The following GPC6 variants were observed in gnomAD, a reference collection of about 807,000 sequenced individuals.
GPC6 encodes glypican-6.
A neutral mutation model predicts 55.2 loss-of-function variants in GPC6; 14 were observed. The ratio of observed to expected loss-of-function variants is 0.25; its 90% CI spans 0.17 to 0.40. The LOEUF is 0.40. Among genes scored for constraint, GPC6 ranks in the 10% least tolerant of loss-of-function variants. The probability of loss-of-function intolerance (pLI) is 1.00; values close to 1 mark genes in which losing one functional copy is unlikely to be tolerated. For synonymous variants in GPC6, 278 were observed against 259.6 expected, an observed-to-expected ratio of 1.07 and a Z score of -0.68; for missense variants, 641 against 708.5, an observed-to-expected ratio of 0.90 and a Z score of 1.08.
At chr13:93,952,489 A>C (rs1313884021) in intron 3 of GPC6, among the ~76,000 whole-genome samples, 3 of 152,082 alleles carry the variant, frequency 2.0e-5, no homozygotes, top group Non-Finnish European at 4.4e-5. Flanking sequence ...AATAGTTGCC[A>C]AGAAGAATTA....
intron 2 of GPC6, among the ~76,000 whole-genome samples, chr13:93,804,094 C>A (rs952380392): frequency 7.2e-5 from 11 of 151,746 alleles, no homozygotes; most frequent in African/African-American, 2.4e-4. Flanking sequence ...TGAATTATAT[C>A]TTAATAAAAC....
At chr13:94,351,567 A>G (rs557287863) in intron 6 of GPC6, among the ~76,000 whole-genome samples, 6 of 152,150 alleles carry the variant, frequency 3.9e-5, no homozygotes, top group Admixed American at 1.3e-4. Context: ...TGAGAAGCCT[A>G]CTTCCTTATT....
chr13:94,184,492 A>G (rs909168037), intron 4 of GPC6, among the ~76,000 whole-genome samples: 2 of 152,164 alleles, frequency 1.3e-5, no homozygotes, highest in East Asian at 3.9e-4. Flanking sequence ...CATAACAGAT[A>G]CTTCTCAAAA....
chr13:94,274,795 C>A, intron 4 of GPC6, among the ~76,000 whole-genome samples: 1 of 150,990 alleles, frequency 6.6e-6, no homozygotes, highest in Non-Finnish European at 1.5e-5. Flanking sequence ...CTGACAGAAG[C>A]AAAAGCAGCC....
chr13:94,001,476 A>G (rs768944248), intron 3 of GPC6, among the ~76,000 whole-genome samples: 3 of 152,204 alleles, frequency 2.0e-5, no homozygotes, highest in Non-Finnish European at 2.9e-5. Flanking sequence ...TAATCTAATG[A>G]AATGATGTGT....
intron 5 of GPC6, among the ~76,000 whole-genome samples, chr13:94,304,985 G>C (rs1875867260): frequency 6.6e-6 from 1 of 152,114 alleles, no homozygotes; most frequent in Non-Finnish European, 1.5e-5. Context: ...AAATTATTTG[G>C]CTTTATGTGC....
intron 2 of GPC6, among the ~76,000 whole-genome samples, chr13:93,592,798 C>G (rs1224601677): frequency 6.6e-6 from 1 of 151,746 alleles, no homozygotes; most frequent in Non-Finnish European, 1.5e-5. Flanking sequence ...ATAAATAGAA[C>G]CGTTGATTAT....
chr13:94,215,705 G>A (rs1359277436), intron 4 of GPC6, among the ~76,000 whole-genome samples: 2 of 151,916 alleles, frequency 1.3e-5, no homozygotes, highest in African/African-American at 4.8e-5. Context: ...TACATTGAAG[G>A]GAAAAAAATC....
intron 2 of GPC6, among the ~76,000 whole-genome samples, chr13:93,583,733 T>C (rs1222366982): frequency 2.6e-5 from 4 of 152,186 alleles, no homozygotes; most frequent in Non-Finnish European, 4.4e-5. Context: ...TTTAATACTA[T>C]GAATATTCTT....
chr13:93,905,330 T>C (rs1876607789), intron 3 of GPC6, among the ~76,000 whole-genome samples: 1 of 152,038 alleles, frequency 6.6e-6, no homozygotes, highest in Non-Finnish European at 1.5e-5. Flanking sequence ...CACAGGAAGG[T>C]TTCAGTGCTA....
chr13:93,728,356 A>G (rs1251596993), intron 2 of GPC6, among the ~76,000 whole-genome samples: 1 of 150,828 alleles, frequency 6.6e-6, no homozygotes, highest in Admixed American at 6.6e-5. Flanking sequence ...AGCTGGGAAT[A>G]CAGGCCTACC....
At chr13:94,123,473 C>G (rs1886704100) in intron 4 of GPC6, among the ~76,000 whole-genome samples, 1 of 151,996 alleles carries the variant, frequency 6.6e-6, no homozygotes, top group South Asian at 2.1e-4. Context: ...AAACTTAATT[C>G]ATATACCTTG....
chr13:93,735,812 T>A (rs1883981479), intron 2 of GPC6, among the ~76,000 whole-genome samples: 1 of 152,198 alleles, frequency 6.6e-6, no homozygotes, highest in Admixed American at 6.5e-5. Flanking sequence ...TTCTGTACTA[T>A]TTGTCTGGAG....
rs191281732 is a variant in GPC6 at position 93,857,367 on chromosome 13, A to G, written c.711+26822A>G. 2.2e-3 allele frequency among the ~76,000 whole-genome samples: 334 copies of G among 151,708 alleles called. 2 individuals carry two copies. Among genetic ancestry groups the G allele is most frequent in the African/African-American group, 7.8e-3 (325 of 41,498 alleles). ...GCTATGTCAACCCATTGTGAATTCT[A>G]TAGATAGCTCAAGTTTTGTGCAGAT... On this transcript the variant is annotated intron_variant, in intron 3 of 8. Coordinates refer to ENST00000377047, the MANE Select transcript of GPC6 (RefSeq NM_005708.5).
rs1877850572 is a variant in GPC6, at chr13:93,442,723, G to A, written c.161-102540G>A. 2.0e-5 allele frequency among the ~76,000 whole-genome samples: 3 copies of A among 151,978 alleles called. No homozygotes were observed. The South Asian group carries it at 6.2e-4, about 32-fold the overall frequency. ...ACATTTTTGCTGGGAAAATATGGCA[G>A]ATTAAGACAATCTTTGATTTAACAA... On this transcript the variant is annotated intron_variant, in intron 1 of 8. Coordinates refer to ENST00000377047, the MANE Select transcript of GPC6 (RefSeq NM_005708.5).
At chr13:93,796,193 T>TG (rs1005214633) in intron 2 of GPC6, among the ~76,000 whole-genome samples, 2 of 151,774 alleles carry the variant, frequency 1.3e-5, no homozygotes, top group Non-Finnish European at 2.9e-5. Context: ...GAGACCCTGT[T>TG]GAAAAAAAAA....
chr13:93,815,299 C>G (rs1318449664), intron 2 of GPC6, among the ~76,000 whole-genome samples: 1 of 152,084 alleles, frequency 6.6e-6, no homozygotes, highest in African/African-American at 2.4e-5. Flanking sequence ...TTACTGAATT[C>G]TGAACTGAAT....
At chr13:94,104,269 C>T (rs2138830185) in intron 4 of GPC6, among the ~76,000 whole-genome samples, 1 of 152,278 alleles carries the variant, frequency 6.6e-6, no homozygotes, top group East Asian at 1.9e-4. Flanking sequence ...CAGTACCATG[C>T]TGTTTTGGTT....
chr13:93,799,106 T>A (rs2138934317), intron 2 of GPC6, among the ~76,000 whole-genome samples: 1 of 152,236 alleles, frequency 6.6e-6, no homozygotes, highest in South Asian at 2.1e-4. Context: ...CAGTGACGAG[T>A]TCACATTCAC....
Sources: allele counts gnomAD v4.1 joint callset (sites outside exome capture counted in the v4.1 genomes callset), GRCh38; gene constraint gnomAD v4.1.1; transcripts MANE v1.5; gene names NCBI Gene and HGNC (gene_info 2026-07-23, HGNC 2026-07-21).